The following SCEL variants were observed in gnomAD, a reference collection of about 807,000 sequenced individuals.
The protein encoded by SCEL is sciellin.
SCEL carries 113 observed loss-of-function variants against 117.6 expected under a neutral mutation model. The ratio of observed to expected loss-of-function variants is 0.96; its 90% CI spans 0.83 to 1.12. SCEL has a LOEUF of 1.12. SCEL is among the 50% of genes most tolerant of loss of function. SCEL has a pLI of 0.00. For missense variants in SCEL, 785 were observed against 810.8 expected, an observed-to-expected ratio of 0.97 and a Z score of 0.39; for synonymous variants, 270 against 256.2, an observed-to-expected ratio of 1.05 and a Z score of -0.51.
In SCEL at chr13:77,599,390, T is replaced by C; in HGVS notation, c.857+2T>C. The C allele has an allele frequency of 8.7e-6, 14 of 1,610,192 alleles. No homozygotes were observed. Among genetic ancestry groups the C allele is most frequent in the Non-Finnish European group, 1.2e-5 (14 of 1,176,890 alleles). ...AAAGGTAGAAGAAAGAGAGAAAAGG[T>C]AAGTGCATCTGTCTCAAATATGAAA... On this transcript the variant is annotated splice_donor_variant, in intron 14 of 32. Transcript: ENST00000349847. LOFTEE classifies it high-confidence loss of function.
chr13:77,547,975 A>G (rs1353683000), intron 1 of SCEL, among the ~76,000 whole-genome samples: 1 of 152,120 alleles, frequency 6.6e-6, no homozygotes, highest in African/African-American at 2.4e-5. Flanking sequence ...TCCTTAGTAT[A>G]TAGCTCTCTG....
chr13:77,568,461 G>C, intron 7 of SCEL, 128 bp downstream of exon 7: 1 of 582,134 alleles, frequency 1.7e-6, no homozygotes, highest in East Asian at 3.2e-5. Context: ...TTGAGTAGTA[G>C]AAGACAATAC....
intron 13 of SCEL, among the ~76,000 whole-genome samples, chr13:77,599,049 G>A (rs575289786): frequency 6.6e-6 from 1 of 152,184 alleles, no homozygotes; most frequent in Non-Finnish European, 1.5e-5. Flanking sequence ...GCCCACGCTT[G>A]AAAGCTAAAA....
At chr13:77,609,163 C>A in intron 21 of SCEL, 46 bp downstream of exon 21, 2 of 1,379,252 alleles carry the variant, frequency 1.5e-6, no homozygotes, top group Non-Finnish European at 2.0e-6. Context: ...TAACCAATGC[C>A]TAAAAGTATA....
chr13:77,632,858 A>G (rs942095303), intron 28 of SCEL, among the ~76,000 whole-genome samples: 2 of 152,228 alleles, frequency 1.3e-5, no homozygotes, highest in Admixed American at 1.3e-4. Context: ...ATTGCCTTCC[A>G]TTAAAACCAA....
chr13:77,618,545 T>C (rs2089232053), intron 27 of SCEL, among the ~76,000 whole-genome samples: 1 of 152,080 alleles, frequency 6.6e-6, no homozygotes, highest in South Asian at 2.1e-4. Context: ...GCTTTTAGTT[T>C]TCTTTGGTGT....
intron 25 of SCEL, 35 bp from the exon 26 acceptor site, chr13:77,617,768 A>G (rs771180273): frequency 6.4e-7 from 1 of 1,568,418 alleles, no homozygotes; most frequent in Non-Finnish European, 8.7e-7. Context: ...GAACTTCAAA[A>G]TTAACCTGCT....
intron 3 of SCEL, among the ~76,000 whole-genome samples, chr13:77,557,825 A>T (rs1465540424): frequency 6.6e-6 from 1 of 152,246 alleles, no homozygotes; most frequent in African/African-American, 2.4e-5. Flanking sequence ...ATAGTCCTGC[A>T]GTTGGGAAAT....
chr13:77,641,820 T>A (rs1414530753), intron 31 of SCEL, among the ~76,000 whole-genome samples: 1 of 152,108 alleles, frequency 6.6e-6, no homozygotes, highest in Non-Finnish European at 1.5e-5. Context: ...AAGTGACACA[T>A]AGCAATCAGA....
chr13:77,573,023 A>C (rs1359283814), intron 9 of SCEL, among the ~76,000 whole-genome samples: 1 of 152,206 alleles, frequency 6.6e-6, no homozygotes, highest in East Asian at 1.9e-4. Flanking sequence ...ATAAACGTTA[A>C]GCGACAAATG....
At chr13:77,555,975 T>C (rs369603463) in intron 2 of SCEL, 57 bp downstream of exon 2, 1 of 1,280,652 alleles carries the variant, frequency 7.8e-7, no homozygotes, top group African/African-American at 1.5e-5. Flanking sequence ...GAAAAACAAC[T>C]CACAGATCTC....
chr13:77,621,082 G>A (rs2089386113), intron 27 of SCEL, among the ~76,000 whole-genome samples: 1 of 152,128 alleles, frequency 6.6e-6, no homozygotes, highest in African/African-American at 2.4e-5. Flanking sequence ...CACTGGTACT[G>A]TAGTCCAGAT....
chr13:77,592,491 C>T (rs1471476341), intron 11 of SCEL, among the ~76,000 whole-genome samples: 1 of 152,006 alleles, frequency 6.6e-6, no homozygotes, highest in East Asian at 1.9e-4. Context: ...GCTACAAAAT[C>T]CTTTCTTCAT....
At chr13:77,625,276 T>C (rs988707786) in intron 27 of SCEL, among the ~76,000 whole-genome samples, 3 of 152,214 alleles carry the variant, frequency 2.0e-5, no homozygotes, top group African/African-American at 7.2e-5. Flanking sequence ...GATCTCTTAA[T>C]GGCCAAGGTT....
chr13:77,615,214 A>G (rs1412711274), intron 24 of SCEL, among the ~76,000 whole-genome samples: 2 of 152,092 alleles, frequency 1.3e-5, no homozygotes, highest in Admixed American at 6.6e-5. Context: ...AGAGCCTTGG[A>G]GATTATCCAA....
chr13:77,556,565 A>G (rs2084667308), intron 2 of SCEL, 31 bp from the exon 3 acceptor site: 1 of 1,574,746 alleles, frequency 6.4e-7, no homozygotes, highest in African/African-American at 1.4e-5. Context: ...ACACTATTAC[A>G]TCTTCCAGTC....
intron 14 of SCEL, 78 bp from the exon 15 acceptor site, chr13:77,599,611 T>C: frequency 2.8e-6 from 3 of 1,075,862 alleles, no homozygotes; most frequent in Non-Finnish European, 4.3e-6. Flanking sequence ...AGAATGTTTA[T>C]TGCATTTGAC....
chr13:77,576,547 C>T (rs538816438), intron 9 of SCEL, among the ~76,000 whole-genome samples: 68 of 152,206 alleles, frequency 4.5e-4, no homozygotes, highest in Non-Finnish European at 7.5e-4. Flanking sequence ...TTTATATCCA[C>T]TCCAGATCTC....
At chr13:77,614,053 A>T in intron 24 of SCEL, 98 bp downstream of exon 24, 1 of 980,736 alleles carries the variant, frequency 1.0e-6, no homozygotes, top group Non-Finnish European at 1.6e-6. Context: ...TTGAATATAA[A>T]TCTCAAAATA....
Sources: allele counts gnomAD v4.1 joint callset (sites outside exome capture counted in the v4.1 genomes callset), GRCh38; gene constraint gnomAD v4.1.1; transcripts MANE v1.5; gene names NCBI Gene and HGNC (gene_info 2026-07-23, HGNC 2026-07-21).